The following CSMD1 variants were observed in gnomAD, a reference collection of about 807,000 sequenced individuals.
CSMD1 encodes the protein CUB and Sushi multiple domains 1.
A neutral mutation model predicts 417.5 loss-of-function variants in CSMD1; 213 were observed. The ratio of observed to expected loss-of-function variants is 0.51; its 90% CI spans 0.46 to 0.57. The LOEUF (loss-of-function observed/expected upper bound fraction) is 0.57, where lower values mean the gene tolerates loss of function less well. CSMD1 is among the 20% of genes least tolerant of loss of function. The pLI is 0.00. For synonymous variants in CSMD1, 2,862 were observed against 1,736.8 expected, an observed-to-expected ratio of 1.65 and a Z score of -16.11; for missense variants, 6,923 against 4,529.7, an observed-to-expected ratio of 1.53 and a Z score of -15.17.
At chr8:4,796,724 A>C (rs6992998) in intron 1 of CSMD1, among the ~76,000 whole-genome samples, 69,461 of 152,052 alleles carry the variant, frequency 0.46, 15,968 homozygotes, top group Admixed American at 0.57. Context: ...ACCAGGGCTC[A>C]AAATCCCTCC....
intron 21 of CSMD1, 125 bp downstream of exon 21, chr8:3,359,027 C>G (rs987025898): frequency 3.2e-5 from 26 of 821,974 alleles, no homozygotes; most frequent in Non-Finnish European, 4.6e-5. Flanking sequence ...CAGAGTGGAG[C>G]CCACACTTTC....
At chr8:4,627,343 A>G (rs999211963) in intron 2 of CSMD1, among the ~76,000 whole-genome samples, 1 of 152,152 alleles carries the variant, frequency 6.6e-6, no homozygotes, top group Non-Finnish European at 1.5e-5. Flanking sequence ...TAAAATCCTG[A>G]AAAATCTGGG....
chr8:4,452,128 C>T (rs540087998), intron 2 of CSMD1, among the ~76,000 whole-genome samples: 2 of 152,116 alleles, frequency 1.3e-5, no homozygotes, highest in Non-Finnish European at 2.9e-5. Flanking sequence ...GAGGTCTGTA[C>T]AAACACCAGC....
At chr8:3,910,351 G>C (rs1248996239) in intron 5 of CSMD1, among the ~76,000 whole-genome samples, 6 of 152,128 alleles carry the variant, frequency 3.9e-5, no homozygotes, top group Admixed American at 2.6e-4. Context: ...AGGGTGGCAG[G>C]TGCACCGAGG....
At chr8:3,896,439 G>A (rs964811994) in intron 5 of CSMD1, among the ~76,000 whole-genome samples, 9 of 152,108 alleles carry the variant, frequency 5.9e-5, no homozygotes, top group South Asian at 2.1e-4. Flanking sequence ...TCTCCAAAAC[G>A]TTGAACACTT....
chr8:4,600,335 G>C (rs954930602), intron 2 of CSMD1, among the ~76,000 whole-genome samples: 4 of 152,124 alleles, frequency 2.6e-5, no homozygotes, highest in Admixed American at 2.6e-4. Flanking sequence ...TGGAAAGTTA[G>C]TCATAGCTAT....
intron 31 of CSMD1, among the ~76,000 whole-genome samples, chr8:3,203,480 G>C (rs1057241457): frequency 1.3e-5 from 2 of 152,124 alleles, no homozygotes; most frequent in Admixed American, 6.5e-5. Flanking sequence ...CATGGTGAGG[G>C]GATGGCACTA....
chr8:4,673,866 T>C (rs1415601513), intron 1 of CSMD1, among the ~76,000 whole-genome samples: 1 of 151,718 alleles, frequency 6.6e-6, no homozygotes, highest in Non-Finnish European at 1.5e-5. Context: ...GTGATGGAAG[T>C]GAGGGGCTGG....
intron 1 of CSMD1, among the ~76,000 whole-genome samples, chr8:4,812,288 GT>G (rs900831320): frequency 6.6e-5 from 10 of 152,270 alleles, no homozygotes; most frequent in African/African-American, 2.2e-4. Context: ...GGAGGTGGGG[GT>G]TTTTCTCCCA....
At chr8:4,468,499 A>C (rs957195821) in intron 2 of CSMD1, among the ~76,000 whole-genome samples, 3 of 152,188 alleles carry the variant, frequency 2.0e-5, no homozygotes, top group African/African-American at 7.2e-5. Flanking sequence ...TTATCCTCTG[A>C]ACATGTACTT....
chr8:3,738,018 G>A (rs1219510006), intron 6 of CSMD1, among the ~76,000 whole-genome samples: 2 of 152,164 alleles, frequency 1.3e-5, no homozygotes, highest in African/African-American at 4.8e-5. Context: ...GAAGTGAAAA[G>A]GGGCCATGTC....
chr8:4,754,861 G>T (rs779997735), intron 1 of CSMD1, among the ~76,000 whole-genome samples: 1 of 151,270 alleles, frequency 6.6e-6, no homozygotes, highest in African/African-American at 2.4e-5. Context: ...AAAGTCGGAT[G>T]AGTGTGGTGG....
At chr8:4,180,319 T>C (rs557725622) in intron 3 of CSMD1, among the ~76,000 whole-genome samples, 153 of 151,456 alleles carry the variant, frequency 1.0e-3, no homozygotes, top group African/African-American at 3.4e-3. Flanking sequence ...CAGTAAACTA[T>C]TGCAAGGACA....
At chr8:3,599,762 G>T (rs1801273100) in intron 8 of CSMD1, among the ~76,000 whole-genome samples, 1 of 152,096 alleles carries the variant, frequency 6.6e-6, no homozygotes. Context: ...TTCACCAGGT[G>T]GTCCTTCCCG....
chr8:3,655,653 G>C (rs1392217508), intron 7 of CSMD1, among the ~76,000 whole-genome samples: 1 of 112,866 alleles, frequency 8.9e-6, no homozygotes, highest in African/African-American at 3.1e-5. Context: ...ACTCAATGGA[G>C]GTTGCGTTTT....
intron 12 of CSMD1, among the ~76,000 whole-genome samples, chr8:3,429,886 G>A (rs1415546663): frequency 2.0e-5 from 3 of 152,092 alleles, no homozygotes; most frequent in African/African-American, 7.2e-5. Flanking sequence ...CACATAAACT[G>A]TGCACCAGAT....
intron 31 of CSMD1, among the ~76,000 whole-genome samples, chr8:3,202,530 G>C (rs561292302): frequency 1.9e-4 from 29 of 152,312 alleles, no homozygotes; most frequent in African/African-American, 7.0e-4. Flanking sequence ...TGACGATACA[G>C]AGGGCCTTTA....
intron 3 of CSMD1, among the ~76,000 whole-genome samples, chr8:4,344,778 T>G (rs994793424): frequency 1.3e-5 from 2 of 152,118 alleles, no homozygotes; most frequent in Non-Finnish European, 2.9e-5. Context: ...TAAAAACATG[T>G]TTACCAGCAA....
intron 3 of CSMD1, among the ~76,000 whole-genome samples, chr8:4,152,170 T>A (rs1339320775): frequency 6.6e-6 from 1 of 152,202 alleles, no homozygotes; most frequent in Non-Finnish European, 1.5e-5. Flanking sequence ...TTTATAAAAC[T>A]GTAGCTAACA....
Sources: gnomAD v4.1 joint callset for allele counts (sites outside exome capture counted in the v4.1 genomes callset) on GRCh38, gnomAD v4.1.1 for gene constraint, MANE v1.5 for transcripts, NCBI Gene and HGNC (gene_info 2026-07-23, HGNC 2026-07-21) for gene names.